Variants in ZPLD1 observed in about 807,000 individuals in gnomAD.
ZPLD1 encodes zona pellucida-like domain-containing protein 1.
ZPLD1 carries 34 observed loss-of-function variants against 47.2 expected under a neutral mutation model. The ratio of observed to expected loss-of-function variants is 0.72; its 90% CI spans 0.55 to 0.96. The LOEUF (loss-of-function observed/expected upper bound fraction) is 0.96. Among genes scored for constraint, ZPLD1 ranks in the 40% least tolerant of loss-of-function variants. The pLI is 0.00. For missense variants in ZPLD1, 512 were observed against 505.8 expected (o/e 1.01, Z -0.12); for synonymous variants, 176 against 186.2 (o/e 0.95, Z 0.45).
intron 7 of ZPLD1, among the ~76,000 whole-genome samples, chr3:102,407,637 T>C (rs2107296563): frequency 6.6e-6 from 1 of 151,518 alleles, no homozygotes; most frequent in East Asian, 2.0e-4. Flanking sequence ...CTAGAAACTC[T>C]TTTAGGCAGT....
In ZPLD1 at chr3:102,470,387, A is replaced by G; in HGVS notation, c.934-7A>G. Reference sequence around the variant, plus strand: ...TGGAATTTCATTTGTTTTCATTAACACCTCAGATTTGCAGCCACAGAGAAA... The same window carrying G: ...TGGAATTTCATTTGTTTTCATTAACGCCTCAGATTTGCAGCCACAGAGAAA... On this transcript the variant is annotated splice_polypyrimidine_tract_variant and splice_region_variant and intron_variant, in intron 9 of 11. Transcript: ENST00000466937. 1 of 1,612,422 alleles carries G rather than the reference A, an allele frequency of 6.2e-7. No individual in the cohort carries two copies. Among genetic ancestry groups the G allele is most frequent in the Non-Finnish European group, 8.5e-7 (1 of 1,178,656 alleles).
At chr3:102,462,444 A>G in intron 7 of ZPLD1, 66 bp downstream of exon 7, 1 of 1,065,402 alleles carries the variant, frequency 9.4e-7, no homozygotes, top group Non-Finnish European at 1.4e-6. Flanking sequence ...CATGAGTCAT[A>G]AAGTTGGGCC....
At chr3:102,424,470 G>A (rs921740574) in intron 8 of ZPLD1, among the ~76,000 whole-genome samples, 1 of 152,110 alleles carries the variant, frequency 6.6e-6, no homozygotes, top group Non-Finnish European at 1.5e-5. Flanking sequence ...CTAACTTTGG[G>A]TCTTTACCTA....
chr3:102,438,535 G>A lies in ZPLD1; in HGVS notation c.48G>A (p.Pro16=), dbSNP rs761304064. ...LLLLLTIRVL[P]GSAQFNGYNC... ...TGCTTCTAACAATTAGAGTGCTTCC[G>A]GGGTCTGCTCAGTTCAACGGCTACA... Residue 16 remains proline (P), a synonymous_variant, in exon 3 of 12, where the codon CCG becomes CCA. Transcript: ENST00000466937. The A allele has an allele frequency of 1.6e-5, 26 of 1,613,802 alleles. No homozygotes were observed. The highest frequency in any genetic ancestry group is 1.9e-5 in the Non-Finnish European group (23 of 1,179,854).
At chr3:102,430,794 T>C (rs967188268), upstream of ZPLD1, among the ~76,000 whole-genome samples, 1 of 152,194 alleles carries the variant, frequency 6.6e-6, no homozygotes, top group African/African-American at 2.4e-5. Flanking sequence ...GCCTATCATC[T>C]CTATTGAGAA....
chr3:102,462,452 G>A, intron 7 of ZPLD1, 74 bp downstream of exon 7: 1 of 990,834 alleles, frequency 1.0e-6, no homozygotes, highest in Non-Finnish European at 1.5e-6. Flanking sequence ...ATAAAGTTGG[G>A]CCATTCATTT....
chr3:102,464,168 C>G lies in ZPLD1; in HGVS notation c.681-3C>G. 1 of 1,605,650 alleles carries G rather than the reference C, an allele frequency of 6.2e-7. No individual in the cohort carries two copies. ...TAGATTATGTTTGCTTACATTCTTT[C>G]AGATGGAATGTTTTAATGGATTATT... On this transcript the variant is annotated splice_polypyrimidine_tract_variant and splice_region_variant and intron_variant, in intron 7 of 11. Transcript: ENST00000466937.
intron 8 of ZPLD1, among the ~76,000 whole-genome samples, chr3:102,428,266 AT>A (rs1706974077): frequency 6.6e-6 from 1 of 152,184 alleles, no homozygotes; most frequent in Admixed American, 6.5e-5. Context: ...CTTGTAGTCT[AT>A]GATTTTACGG....
chr3:102,426,099 T>G (rs961363530), intron 8 of ZPLD1, among the ~76,000 whole-genome samples: 2 of 150,736 alleles, frequency 1.3e-5, no homozygotes, highest in African/African-American at 4.9e-5. Flanking sequence ...TTTAACATTT[T>G]GACATATTTC....
intron 7 of ZPLD1, among the ~76,000 whole-genome samples, chr3:102,397,673 A>G (rs1559739648): frequency 6.6e-6 from 1 of 151,924 alleles, no homozygotes. Flanking sequence ...GTGCATTGCT[A>G]CTCCTGCACG....
At chr3:102,396,582 G>C (rs756537586) in intron 7 of ZPLD1, among the ~76,000 whole-genome samples, 2 of 152,116 alleles carry the variant, frequency 1.3e-5, no homozygotes, top group Non-Finnish European at 2.9e-5. Context: ...AGGAGATGTG[G>C]TAATACTGTG....
At chr3:102,432,179 A>G (rs1278412136), upstream of ZPLD1, among the ~76,000 whole-genome samples, 2 of 152,138 alleles carry the variant, frequency 1.3e-5, no homozygotes, top group Non-Finnish European at 2.9e-5. Context: ...AGTAATTTAA[A>G]CCTTAATGAA....
At chr3:102,414,206 C>T (rs1310764524) in intron 7 of ZPLD1, among the ~76,000 whole-genome samples, 1 of 151,738 alleles carries the variant, frequency 6.6e-6, no homozygotes, top group Non-Finnish European at 1.5e-5. Flanking sequence ...GGACAAACTC[C>T]CACAATTCTA....
chr3:102,438,598 G>A lies in ZPLD1; in HGVS notation c.106+5G>A. 1.2e-6 allele frequency: 2 copies of A among 1,600,768 alleles called. No homozygotes were observed. Among genetic ancestry groups the A allele is most frequent in the Non-Finnish European group, 1.7e-6 (2 of 1,168,030 alleles). ...ACCTCCACAGTAGATTTCCTGGTAA[G>A]TGTAAGCCTAATCTATTCTCTAGTT... On this transcript the variant is annotated splice_donor_5th_base_variant and intron_variant, in intron 3 of 11. Coordinates refer to ENST00000466937, the MANE Select transcript of ZPLD1 (RefSeq NM_001329788.2).
At chr3:102,401,948 CA>C (rs1706624328) in intron 7 of ZPLD1, among the ~76,000 whole-genome samples, 1 of 151,918 alleles carries the variant, frequency 6.6e-6, no homozygotes, top group Non-Finnish European at 1.5e-5. Flanking sequence ...CAGTTTTCAC[CA>C]AAGTTAAACT....
chr3:102,418,411 A>C (rs1226319413), intron 8 of ZPLD1, among the ~76,000 whole-genome samples: 1 of 152,064 alleles, frequency 6.6e-6, no homozygotes. Flanking sequence ...AAGGAGGTTA[A>C]AAACATCTTC....
chr3:102,439,202 C>A (rs1320973220), intron 3 of ZPLD1, among the ~76,000 whole-genome samples: 1 of 152,144 alleles, frequency 6.6e-6, no homozygotes, highest in African/African-American at 2.4e-5. Context: ...AGTAATGGAA[C>A]CACAGTTCAA....
intron 7 of ZPLD1, among the ~76,000 whole-genome samples, chr3:102,402,479 G>A (rs1196637968): frequency 1.3e-5 from 2 of 152,032 alleles, no homozygotes; most frequent in Admixed American, 6.6e-5. Flanking sequence ...ATAGTACAGA[G>A]TATTTTTAAT....
chr3:102,470,370 C>T, intron 9 of ZPLD1, 24 bp from the exon 10 acceptor site: 1 of 1,597,056 alleles, frequency 6.3e-7, no homozygotes, highest in Non-Finnish European at 8.6e-7. Context: ...TGTGGAATTT[C>T]ATTTGTTTTC....
Sources: gnomAD v4.1 joint callset for allele counts (sites outside exome capture counted in the v4.1 genomes callset) on GRCh38, gnomAD v4.1.1 for gene constraint, MANE v1.5 for transcripts, NCBI Gene and HGNC (gene_info 2026-07-23, HGNC 2026-07-21) for gene names.